Variants in TFG observed in about 807,000 individuals in gnomAD.
The protein encoded by TFG is protein TFG.
TFG carries 22 observed loss-of-function variants against 51.4 expected under a neutral mutation model. The ratio of observed to expected loss-of-function variants is 0.43; its 90% CI spans 0.31 to 0.61. The LOEUF is 0.61. TFG is among the 20% of genes least tolerant of loss of function. The pLI, the probability that TFG is intolerant of heterozygous loss-of-function variation, is 0.12. For missense variants in TFG, 419 were observed against 487.7 expected (o/e 0.86, Z 1.33); for synonymous variants, 187 against 165.6 (o/e 1.13, Z -0.99).
At chr3:100,732,093 T>C (rs2095093102) in intron 4 of TFG, among the ~76,000 whole-genome samples, 1 of 152,158 alleles carries the variant, frequency 6.6e-6, no homozygotes, top group Non-Finnish European at 1.5e-5. Context: ...TAGTTCAGTT[T>C]CTTTTTATAA....
At position 100,723,347 on chromosome 3, in the gene TFG, G is replaced by T. The variant is rs575087670; in HGVS notation, c.268+3289G>T. Among the ~76,000 whole-genome samples the T allele has an allele frequency of 3.3e-5, 5 of 152,184 alleles. No individual in the cohort carries two copies. The South Asian group carries it at 1.0e-3, about 31-fold the overall frequency. The stretch of plus-strand genomic sequence containing the variant: ...AGAAAAAAAGAAAACAAGGGTACCT[G>T]TTCAGTTCAGTAGAAAGTGGTGGCG... On this transcript the variant is annotated intron_variant, in intron 3 of 7. Coordinates refer to ENST00000240851, the MANE Select transcript of TFG (RefSeq NM_006070.6).
intron 3 of TFG, among the ~76,000 whole-genome samples, chr3:100,726,197 C>G (rs1457993830): frequency 2.6e-5 from 4 of 152,170 alleles, no homozygotes; most frequent in African/African-American, 9.7e-5. Flanking sequence ...GCCAAAAAAC[C>G]TGGAGTCTGA....
At chr3:100,746,688 T>G (rs1453967944) in intron 7 of TFG, among the ~76,000 whole-genome samples, 1 of 152,138 alleles carries the variant, frequency 6.6e-6, no homozygotes, top group Non-Finnish European at 1.5e-5. Context: ...AATGAAATCT[T>G]CAGCCTGTAG....
chr3:100,744,729 A>C, intron 6 of TFG, 104 bp from the exon 7 acceptor site: 1 of 690,094 alleles, frequency 1.4e-6, no homozygotes, highest in Non-Finnish European at 2.6e-6. Context: ...GTATATTGTT[A>C]CTCTGTTTGG....
At chr3:100,736,445 A>C (rs562124673) in intron 5 of TFG, 131 bp from the exon 6 acceptor site, 1 of 940,138 alleles carries the variant, frequency 1.1e-6, no homozygotes, top group Non-Finnish European at 1.6e-6. Flanking sequence ...CATTTAATGT[A>C]AAAAGGCGTA....
At chr3:100,730,701 C>A (rs563238418) in intron 4 of TFG, among the ~76,000 whole-genome samples, 4 of 152,186 alleles carry the variant, frequency 2.6e-5, no homozygotes, top group Admixed American at 1.3e-4. Flanking sequence ...CTCTCTATTA[C>A]AGCGGTTCTT....
rs1223143400 is a variant in TFG, at chr3:100,744,847, C to T, written c.736C>T (p.Gln246Ter). Residue 246 changes from glutamine to a stop codon, truncating the protein, a stop_gained, in exon 7 of 8, where the codon CAG becomes TAG. Coordinates refer to ENST00000240851, the MANE Select transcript of TFG (RefSeq NM_006070.6). LOFTEE classifies it high-confidence loss of function. ...TGTGTTTTCAGGTCAGATGTACCAA[C>T]AGTACCAGCAACAGGCCGGCTATGG... The part of the protein sequence containing the change: ...AGQIEGQMYQ[Q>*]YQQQAGYGAQ... The T allele has an allele frequency of 6.2e-7, 1 of 1,613,086 alleles. No homozygotes were observed. Among genetic ancestry groups the T allele is most frequent in the Non-Finnish European group, 8.5e-7 (1 of 1,179,288 alleles).
intron 2 of TFG, among the ~76,000 whole-genome samples, chr3:100,714,460 A>T (rs1415899110): frequency 6.6e-6 from 1 of 152,044 alleles, no homozygotes; most frequent in Non-Finnish European, 1.5e-5. Context: ...AGATCGTGCC[A>T]CTGCACTCCA....
At position 100,748,884 on chromosome 3, in the gene TFG, A is replaced by T. The variant is rs1181957989; in HGVS notation, c.*353A>T. The stretch of plus-strand genomic sequence containing the variant: ...CTTTTTACTATTAACATGATGTACT[A>T]AAGTAGAGCCCTTTGAGAATACAAG... On this transcript the variant is annotated 3_prime_UTR_variant, in exon 8 of 8. Coordinates refer to ENST00000240851, the MANE Select transcript of TFG (RefSeq NM_006070.6). 2 of 249,628 alleles carry T rather than the reference A, an allele frequency of 8.0e-6. No homozygotes were observed. Among genetic ancestry groups the T allele is most frequent in the Non-Finnish European group, 1.6e-5 (2 of 128,454 alleles). The allele number at this position is 249,628 out of a possible 1,614,324, so 15.5% of individuals were successfully genotyped here.
Position 100,748,329 on chromosome 3 carries a change from C to G in TFG, c.1001C>G (p.Ser334Cys). Residue 334 changes from serine (S) to cysteine (C), a missense_variant, in exon 8 of 8, where the codon TCT (serine) becomes TGT (cysteine). By Grantham distance (112) the Ser-to-Cys change is moderately radical (BLOSUM62 -1). Transcript: ENST00000240851. ...GCACAAACTTACACTGCCCAAACTT[C>G]TCAGCCTACTAATTATACTGTGGCT... ...YPAQTYTAQTSQPTNYTVAPA... is the reference protein window; with the variant it reads ...YPAQTYTAQTCQPTNYTVAPA... 6.2e-7 allele frequency: 1 copy of G among 1,614,088 alleles called. No homozygotes were observed. The highest frequency in any genetic ancestry group is 8.5e-7 in the Non-Finnish European group (1 of 1,179,998).
At chr3:100,713,574 T>A in intron 1 of TFG, 69 bp from the exon 2 acceptor site, 1 of 638,620 alleles carries the variant, frequency 1.6e-6, no homozygotes, top group Non-Finnish European at 2.4e-6. Context: ...TCTTAGCATC[T>A]AATAGTAGCT....
intron 7 of TFG, among the ~76,000 whole-genome samples, chr3:100,746,274 TG>T (rs750970124): frequency 2.6e-5 from 4 of 152,176 alleles, no homozygotes; most frequent in East Asian, 1.9e-4. Context: ...AGGCTATGTG[TG>T]GGGCCCCATT....
chr3:100,727,397 TG>T (rs1156567159), intron 3 of TFG, among the ~76,000 whole-genome samples: 1 of 151,340 alleles, frequency 6.6e-6, no homozygotes, highest in East Asian at 1.9e-4. Context: ...AGCTTATAAT[TG>T]GTGGTTTGAT....
intron 6 of TFG, among the ~76,000 whole-genome samples, chr3:100,737,837 C>T (rs1209745996): frequency 6.6e-6 from 1 of 152,020 alleles, no homozygotes; most frequent in Non-Finnish European, 1.5e-5. Flanking sequence ...TCACTTGAGC[C>T]CAGGAGTTTG....
chr3:100,711,174 C>G (rs2095030313), intron 1 of TFG: 2 of 152,314 alleles, frequency 1.3e-5, no homozygotes, highest in Non-Finnish European at 2.9e-5. Context: ...GATCCCCCAG[C>G]TCACTGCAAC....
chr3:100,735,564 A>C (rs1474727996), intron 5 of TFG, among the ~76,000 whole-genome samples: 3 of 152,246 alleles, frequency 2.0e-5, no homozygotes, highest in Admixed American at 2.0e-4. Context: ...ACAGCTAGTG[A>C]GTGACAGCAC....
intron 6 of TFG, among the ~76,000 whole-genome samples, chr3:100,737,560 C>A (rs2095109930): frequency 6.6e-6 from 1 of 152,194 alleles, no homozygotes; most frequent in Non-Finnish European, 1.5e-5. Flanking sequence ...ACCTTTAAAG[C>A]CGCATTCCAC....
At chr3:100,739,458 CTA>C (rs1219759813) in intron 6 of TFG, among the ~76,000 whole-genome samples, 1 of 151,492 alleles carries the variant, frequency 6.6e-6, no homozygotes, top group African/African-American at 2.4e-5. Flanking sequence ...TACAGGAAGA[CTA>C]TGTGATGTTG....
At chr3:100,712,207 C>T (rs980799387) in intron 1 of TFG, among the ~76,000 whole-genome samples, 1 of 151,936 alleles carries the variant, frequency 6.6e-6, no homozygotes, top group Non-Finnish European at 1.5e-5. Flanking sequence ...AAGGACCTAG[C>T]GTATTTATAT....
Sources: allele counts gnomAD v4.1 joint callset (sites outside exome capture counted in the v4.1 genomes callset), GRCh38; gene constraint gnomAD v4.1.1; transcripts MANE v1.5; gene names NCBI Gene and HGNC (gene_info 2026-07-23, HGNC 2026-07-21).